Variants in TBC1D32 observed in about 807,000 individuals in gnomAD.
TBC1D32 encodes the protein protein broad-minded.
Under a neutral mutation model 170.3 loss-of-function variants are expected in TBC1D32, and 151 were observed. The observed-to-expected ratio is 0.89, with a 90% CI of 0.78 to 1.01. TBC1D32 has a LOEUF of 1.01. TBC1D32 is among the 50% of genes least tolerant of loss of function. TBC1D32 has a pLI of 0.00. For missense variants in TBC1D32, 1,464 were observed against 1,457.1 expected, an observed-to-expected ratio of 1.00 and a Z score of -0.08; for synonymous variants, 498 against 488.0, an observed-to-expected ratio of 1.02 and a Z score of -0.27.
At chr6:121,260,800 G>C (rs1347468311) in intron 15 of TBC1D32, among the ~76,000 whole-genome samples, 1 of 152,184 alleles carries the variant, frequency 6.6e-6, no homozygotes, top group Non-Finnish European at 1.5e-5. Context: ...TGCTGCTGCT[G>C]ATTGCTGTCT....
chr6:121,205,567 G>T (rs1792141205), intron 21 of TBC1D32, among the ~76,000 whole-genome samples: 1 of 152,138 alleles, frequency 6.6e-6, no homozygotes, highest in Non-Finnish European at 1.5e-5. Flanking sequence ...CAAATTAGAA[G>T]AATGAACAAC....
At chr6:121,129,898 A>G (rs761518299) in intron 25 of TBC1D32, 1 of 452,050 alleles carries the variant, frequency 2.2e-6, no homozygotes, top group South Asian at 1.6e-5. Flanking sequence ...GGTATCTCAC[A>G]CAGGAAAAAC....
intron 22 of TBC1D32, among the ~76,000 whole-genome samples, chr6:121,189,313 G>C (rs1789609360): frequency 1.3e-5 from 2 of 151,992 alleles, no homozygotes; most frequent in South Asian, 4.1e-4. Flanking sequence ...GGTCAGTCCA[G>C]AGCCCTGAGA....
intron 15 of TBC1D32, among the ~76,000 whole-genome samples, chr6:121,260,885 A>G (rs1799672069): frequency 6.6e-6 from 1 of 152,164 alleles, no homozygotes; most frequent in African/African-American, 2.4e-5. Context: ...CTAAGCTCCC[A>G]TGGGCGAAGG....
At chr6:121,236,894 AT>A (rs1456206678) in intron 20 of TBC1D32, 1 of 152,054 alleles carries the variant, frequency 6.6e-6, no homozygotes, top group Non-Finnish European at 1.5e-5. Flanking sequence ...ATGTATCATA[AT>A]TTTGTTTTAA....
intron 25 of TBC1D32, among the ~76,000 whole-genome samples, chr6:121,128,084 T>C (rs149656497): frequency 1.3e-5 from 2 of 152,292 alleles, no homozygotes; most frequent in Non-Finnish European, 2.9e-5. Context: ...AGTACTGATA[T>C]TCAAATATAA....
chr6:121,174,599 G>C (rs111592499), intron 22 of TBC1D32, among the ~76,000 whole-genome samples: 2,179 of 152,174 alleles, frequency 0.014, 14 homozygotes, highest in Middle Eastern at 0.034. Context: ...CAGAACAGTA[G>C]GACAAAACTG....
chr6:121,279,382 C>T, intron 14 of TBC1D32, 137 bp from the exon 15 acceptor site: 1 of 1,036,860 alleles, frequency 9.6e-7, no homozygotes, highest in Non-Finnish European at 1.4e-6. Context: ...ATTTGTTTGG[C>T]TGTGAAATAA....
At chr6:121,150,780 T>C (rs1310165527) in intron 24 of TBC1D32, among the ~76,000 whole-genome samples, 1 of 152,258 alleles carries the variant, frequency 6.6e-6, no homozygotes, top group Non-Finnish European at 1.5e-5. Context: ...GATTTTCTAG[T>C]TTATTTGCAT....
At chr6:121,112,728 A>C in intron 28 of TBC1D32, 69 bp from the exon 29 acceptor site, 1 of 1,239,896 alleles carries the variant, frequency 8.1e-7, no homozygotes, top group Non-Finnish European at 1.1e-6. Context: ...TGTAAATAAA[A>C]TAAAATGAAT....
intron 30 of TBC1D32, among the ~76,000 whole-genome samples, chr6:121,098,356 G>A (rs1777655975): frequency 1.3e-5 from 2 of 151,860 alleles, no homozygotes; most frequent in South Asian, 2.1e-4. Context: ...GGCTTCATCT[G>A]CTTTCATCAT....
At chr6:121,261,435 G>C (rs1354861834) in intron 15 of TBC1D32, among the ~76,000 whole-genome samples, 1 of 152,184 alleles carries the variant, frequency 6.6e-6, no homozygotes, top group Admixed American at 6.5e-5. Flanking sequence ...ACCCATCTTT[G>C]CTGTTCTCCA....
intron 22 of TBC1D32, among the ~76,000 whole-genome samples, chr6:121,183,829 T>C (rs1333178492): frequency 1.3e-5 from 2 of 152,140 alleles, no homozygotes; most frequent in South Asian, 4.1e-4. Flanking sequence ...AACAGTCTTC[T>C]CACAGCAATA....
Position 121,272,117 on chromosome 6 carries a change from TA to T in TBC1D32, c.1733+7003del, listed in dbSNP as rs1487169999. 2.6e-5 allele frequency among the ~76,000 whole-genome samples: 4 copies of T among 152,132 alleles called. No individual in the cohort carries two copies. In the East Asian group the frequency reaches 7.7e-4, roughly 29 times the overall value. On this transcript the variant is annotated intron_variant, in intron 15 of 31. Coordinates refer to ENST00000398212, the MANE Select transcript of TBC1D32 (RefSeq NM_152730.6). ...ATACAAAAATTAATTCAAGATGGAT[TA>T]AAGACTTAAATGTTAGACCTAAAAC...
At chr6:121,127,090 TTTG>T (rs905907217) in intron 25 of TBC1D32, among the ~76,000 whole-genome samples, 4 of 152,262 alleles carry the variant, frequency 2.6e-5, no homozygotes, top group Middle Eastern at 3.4e-3. Context: ...TTTTGAGTTT[TTTG>T]TTGTTGTTGT....
Position 121,080,397 on chromosome 6 carries a change from GC to G in TBC1D32, c.*373del. The stretch of plus-strand genomic sequence containing the variant: ...CACCCAGCTAATTTCAGTATTGTTA[GC>G]AGAGACGAGGTTTCACCATTTTGGC... On this transcript the variant is annotated 3_prime_UTR_variant, in exon 32 of 32. Coordinates refer to ENST00000398212, the MANE Select transcript of TBC1D32 (RefSeq NM_152730.6). 1 of 303,000 alleles carries G rather than the reference GC, an allele frequency of 3.3e-6. No homozygotes were observed. The highest frequency in any genetic ancestry group is 6.9e-6 in the Non-Finnish European group (1 of 145,496). 18.8% of individuals were successfully genotyped at this position (303,000 alleles called of 1,614,324 possible). A position where few individuals can be genotyped will look rare whatever the true frequency, so the allele number is the denominator to read the frequency against.
Position 121,190,019 on chromosome 6 carries a change from G to C in TBC1D32, c.2570+15056C>G, listed in dbSNP as rs370217568. 4.0e-5 allele frequency among the ~76,000 whole-genome samples: 6 copies of C among 149,434 alleles called. No homozygotes were observed. In the East Asian group the frequency reaches 1.2e-3, roughly 30 times the overall value. On this transcript the variant is annotated intron_variant, in intron 22 of 31. Coordinates refer to ENST00000398212, the MANE Select transcript of TBC1D32 (RefSeq NM_152730.6). ...CATTTAGCATCACTGCAAAGAGGTA[G>C]ATTTTAAAACACCACACACTATATA...
At chr6:121,142,932 T>C (rs1782982355) in intron 24 of TBC1D32, among the ~76,000 whole-genome samples, 1 of 152,182 alleles carries the variant, frequency 6.6e-6, no homozygotes, top group South Asian at 2.1e-4. Context: ...GCTCCTAACA[T>C]GCTAACTGGT....
chr6:121,096,478 A>C (rs1231969016), intron 30 of TBC1D32, among the ~76,000 whole-genome samples: 2 of 152,072 alleles, frequency 1.3e-5, no homozygotes, highest in African/African-American at 4.8e-5. Context: ...ACCTAGGAAT[A>C]CAATTTACAA....
Sources: gnomAD v4.1 joint callset for allele counts (sites outside exome capture counted in the v4.1 genomes callset) on GRCh38, gnomAD v4.1.1 for gene constraint, MANE v1.5 for transcripts, NCBI Gene and HGNC (gene_info 2026-07-23, HGNC 2026-07-21) for gene names.